MAGI2: variants seen among roughly 807,000 people sequenced by gnomAD.
MAGI2 encodes membrane-associated guanylate kinase, WW and PDZ domain-containing protein 2.
A neutral mutation model predicts 133.3 loss-of-function variants in MAGI2; 35 were observed. That is an observed-to-expected ratio of 0.26 (90% confidence interval 0.20 to 0.35). The LOEUF (loss-of-function observed/expected upper bound fraction) is 0.35, where lower values mean the gene tolerates loss of function less well. Ranked by LOEUF, MAGI2 falls within the 10% of genes least tolerant of loss-of-function variation. MAGI2 has a pLI of 1.00. For synonymous variants in MAGI2, 729 were observed against 710.6 expected (o/e 1.03, Z -0.41); for missense variants, 1,636 against 1,863.4 (o/e 0.88, Z 2.25).
At chr7:78,760,744 G>A (rs1022180249) in intron 2 of MAGI2, among the ~76,000 whole-genome samples, 1 of 152,184 alleles carries the variant, frequency 6.6e-6, no homozygotes, top group African/African-American at 2.4e-5. Context: ...ATATGTAAGT[G>A]TGTGTGCAAG....
chr7:79,168,889 GATATATATATATATAT>G (rs1182056135), intron 1 of MAGI2, among the ~76,000 whole-genome samples: 12 of 14,632 alleles, frequency 8.2e-4, no homozygotes, highest in South Asian at 2.4e-3. Context: ...TCTAAAGATA[GATATATATATATATAT>G]ATATATATAT....
intron 1 of MAGI2, among the ~76,000 whole-genome samples, chr7:79,200,756 G>C (rs539157895): frequency 1.3e-5 from 2 of 152,006 alleles, no homozygotes; most frequent in East Asian, 3.9e-4. Flanking sequence ...ACAGTGACAA[G>C]ACTAAAGCCC....
At chr7:78,316,965 C>T (rs987098614) in intron 9 of MAGI2, among the ~76,000 whole-genome samples, 3 of 152,154 alleles carry the variant, frequency 2.0e-5, no homozygotes, top group Middle Eastern at 6.3e-3. Flanking sequence ...CTAAGGAACA[C>T]AGTTAACACA....
At chr7:78,110,305 C>G (rs1819226109) in intron 20 of MAGI2, among the ~76,000 whole-genome samples, 1 of 152,190 alleles carries the variant, frequency 6.6e-6, no homozygotes, top group South Asian at 2.1e-4. Context: ...CCACAAGAGA[C>G]TAATTCAGCT....
rs116562720 is a variant in MAGI2 at position 78,438,856 on chromosome 7, G to A, written c.1045+50905C>T. Among the ~76,000 whole-genome samples, 740 of 152,234 alleles carry A rather than the reference G, an allele frequency of 4.9e-3. 5 individuals carry two copies. The highest frequency in any genetic ancestry group is 0.015 in the African/African-American group (638 of 41,544). On this transcript the variant is annotated intron_variant, in intron 6 of 21. Coordinates refer to ENST00000354212, the MANE Select transcript of MAGI2 (RefSeq NM_012301.4). Reference sequence around the variant, plus strand: ...AATGGGAAAATGGCATAATTAACGGGCTGTTAAGACGCTTCTATTTTGCTT... The same window carrying A: ...AATGGGAAAATGGCATAATTAACGGACTGTTAAGACGCTTCTATTTTGCTT...
At chr7:79,420,380 C>G (rs1276133029) in intron 1 of MAGI2, among the ~76,000 whole-genome samples, 1 of 151,964 alleles carries the variant, frequency 6.6e-6, no homozygotes, top group African/African-American at 2.4e-5. Flanking sequence ...AAGTGATGCC[C>G]CCAATTCACC....
chr7:78,273,377 T>G (rs1794765401), intron 9 of MAGI2, among the ~76,000 whole-genome samples: 1 of 152,208 alleles, frequency 6.6e-6, no homozygotes. Flanking sequence ...CATTTTTTCC[T>G]TCATTTCAAC....
chr7:78,388,860 C>T (rs1313252538), intron 6 of MAGI2, among the ~76,000 whole-genome samples: 2 of 151,994 alleles, frequency 1.3e-5, no homozygotes, highest in Non-Finnish European at 1.5e-5. Flanking sequence ...AGAATCACGT[C>T]GGTACTACAA....
intron 20 of MAGI2, among the ~76,000 whole-genome samples, chr7:78,114,992 G>A (rs1274054990): frequency 2.0e-5 from 3 of 152,206 alleles, no homozygotes; most frequent in African/African-American, 4.8e-5. Flanking sequence ...AAAGGTAAAT[G>A]TTACTAACTG....
At chr7:78,748,046 C>CT (rs1823091710) in intron 2 of MAGI2, among the ~76,000 whole-genome samples, 1 of 152,056 alleles carries the variant, frequency 6.6e-6, no homozygotes, top group Non-Finnish European at 1.5e-5. Context: ...GTTATAATTT[C>CT]TTTTAACATC....
intron 9 of MAGI2, among the ~76,000 whole-genome samples, chr7:78,291,358 T>C (rs181479450): frequency 1.3e-5 from 2 of 152,242 alleles, no homozygotes; most frequent in Admixed American, 1.3e-4. Context: ...CCTGGACACA[T>C]ACACCATCCT....
intron 2 of MAGI2, among the ~76,000 whole-genome samples, chr7:78,889,355 T>A (rs1642899): frequency 0.38 from 57,909 of 151,924 alleles, 12,479 homozygotes; most frequent in South Asian, 0.58. Flanking sequence ...CAGGCCAACA[T>A]TCAAATTCAG....
intron 3 of MAGI2, among the ~76,000 whole-genome samples, chr7:78,603,396 C>T (rs376743699): frequency 6.6e-6 from 1 of 152,130 alleles, no homozygotes; most frequent in Admixed American, 6.5e-5. Flanking sequence ...AGGCTGGTAG[C>T]TCTGATGTCA....
intron 2 of MAGI2, among the ~76,000 whole-genome samples, chr7:78,956,321 C>T (rs1802377407): frequency 6.6e-6 from 1 of 152,092 alleles, no homozygotes; most frequent in Non-Finnish European, 1.5e-5. Flanking sequence ...CCTCTCCTAG[C>T]AATTCTGTCT....
intron 6 of MAGI2, among the ~76,000 whole-genome samples, chr7:78,452,441 T>G (rs758530412): frequency 6.6e-6 from 1 of 152,062 alleles, no homozygotes; most frequent in Non-Finnish European, 1.5e-5. Flanking sequence ...TGCTTATGAT[T>G]ATTTTTGTTT....
At chr7:79,308,962 C>T (rs1161038669) in intron 1 of MAGI2, among the ~76,000 whole-genome samples, 1 of 149,872 alleles carries the variant, frequency 6.7e-6, no homozygotes, top group African/African-American at 2.4e-5. Flanking sequence ...AAACTTTACC[C>T]TGATTAAAAA....
chr7:78,873,428 C>T (rs28403083), intron 2 of MAGI2, among the ~76,000 whole-genome samples: 12 of 152,008 alleles, frequency 7.9e-5, no homozygotes, highest in Admixed American at 7.2e-4. Flanking sequence ...ATTAGATTCT[C>T]ATAGTAGCGT....
intron 6 of MAGI2, among the ~76,000 whole-genome samples, chr7:78,380,188 C>T (rs1276501306): frequency 6.7e-6 from 1 of 150,328 alleles, no homozygotes; most frequent in Non-Finnish European, 1.5e-5. Flanking sequence ...ATAATAAAAG[C>T]AAAAAAATTG....
At chr7:78,326,061 G>A (rs1788550154) in intron 9 of MAGI2, among the ~76,000 whole-genome samples, 1 of 151,924 alleles carries the variant, frequency 6.6e-6, no homozygotes, top group African/African-American at 2.4e-5. Context: ...CTTCTCTGTT[G>A]TCTCCTAGGC....
Sources: gnomAD v4.1 joint callset for allele counts (sites outside exome capture counted in the v4.1 genomes callset) on GRCh38, gnomAD v4.1.1 for gene constraint, MANE v1.5 for transcripts, NCBI Gene and HGNC (gene_info 2026-07-23, HGNC 2026-07-21) for gene names.